The following PIK3CD variants were observed in gnomAD, a reference collection of about 807,000 sequenced individuals.
The protein encoded by PIK3CD is phosphatidylinositol 4,5-bisphosphate 3-kinase catalytic subunit delta isoform.
PIK3CD carries 20 observed loss-of-function variants against 122.9 expected under a neutral mutation model. The ratio of observed to expected loss-of-function variants is 0.16; its 90% CI spans 0.11 to 0.24. The LOEUF is 0.24. Among genes scored for constraint, PIK3CD ranks in the 10% least tolerant of loss-of-function variants. The pLI, the probability that PIK3CD is intolerant of heterozygous loss-of-function variation, is 1.00. For missense variants in PIK3CD, 787 were observed against 1,406.3 expected (o/e 0.56, Z 7.04); for synonymous variants, 596 against 593.4 (o/e 1.00, Z -0.06).
intron 1 of PIK3CD, chr1:9,654,392 G>A (rs1644777381): frequency 2.2e-6 from 3 of 1,367,706 alleles, no homozygotes; most frequent in Non-Finnish European, 2.9e-6. Flanking sequence ...CACACGGGGT[G>A]CCAGGGGCTG....
At chr1:9,697,272 A>G (rs1646456646) in intron 2 of PIK3CD, among the ~76,000 whole-genome samples, 1 of 152,170 alleles carries the variant, frequency 6.6e-6, no homozygotes, top group Non-Finnish European at 1.5e-5. Flanking sequence ...TTTTAAATAA[A>G]AAATGGAAAT....
chr1:9,704,545 C>T lies in PIK3CD; in HGVS notation c.-32-5879C>T, dbSNP rs1646758760. On this transcript the variant is annotated intron_variant, in intron 2 of 23. Coordinates refer to ENST00000377346, the MANE Select transcript of PIK3CD (RefSeq NM_005026.5). The surrounding 1 kb of genome is among the most constrained non-coding windows in gnomAD (Gnocchi z 5.0). ...GTTTTGTTTTTGAGACAGGGTCTCA[C>T]TCTATTGCCCAGGCTGGAGTGCAGT... Among the ~76,000 whole-genome samples, 1 of 152,196 alleles carries T rather than the reference C, an allele frequency of 6.6e-6. No homozygotes were observed. The highest frequency in any genetic ancestry group is 1.5e-5 in the Non-Finnish European group (1 of 68,038).
chr1:9,654,684 C>T, intron 1 of PIK3CD: 6 of 350,042 alleles, frequency 1.7e-5, no homozygotes, highest in South Asian at 1.1e-4. Flanking sequence ...AGTTCCCGCC[C>T]TCCCTGAGGC....
rs565996332 is a variant in PIK3CD at position 9,688,009 on chromosome 1, T to A, written c.-137-3458T>A. ...CGAGGGCGGAGGGAAGCGTCAGGCC[T>A]GGCTGCGCGCGCCCTGGCTAGGGAG... On this transcript the variant is annotated intron_variant, in intron 1 of 23. Transcript: ENST00000377346. 3.3e-5 allele frequency among the ~76,000 whole-genome samples: 5 copies of A among 152,322 alleles called. No homozygotes were observed. The East Asian group carries it at 9.7e-4, about 30-fold the overall frequency.
At chr1:9,655,787 T>C (rs1457203890) in intron 1 of PIK3CD, among the ~76,000 whole-genome samples, 3 of 139,366 alleles carry the variant, frequency 2.2e-5, no homozygotes, top group Non-Finnish European at 4.6e-5. Context: ...AACCTCTGCC[T>C]CCAGGTTCAA....
intron 1 of PIK3CD, among the ~76,000 whole-genome samples, chr1:9,665,759 T>A (rs1261195190): frequency 1.3e-5 from 2 of 152,140 alleles, no homozygotes; most frequent in African/African-American, 4.8e-5. Context: ...TTCATTCTTT[T>A]TTTTTGTCCC....
At chr1:9,667,822 G>A (rs929400571) in intron 1 of PIK3CD, among the ~76,000 whole-genome samples, 4 of 141,740 alleles carry the variant, frequency 2.8e-5, no homozygotes, top group Admixed American at 1.5e-4. Context: ...TTGCAGCCCC[G>A]ACCTCCTGGG....
chr1:9,635,830 T>C, the PIK3CD span, among the ~76,000 whole-genome samples: 57,495 of 152,116 alleles, frequency 0.38, 14,345 homozygotes, highest in East Asian at 0.77. Context: ...TTCTGATGGG[T>C]TCCCATCCCT....
At chr1:9,669,859 A>G (rs2100967994) in intron 1 of PIK3CD, among the ~76,000 whole-genome samples, 1 of 152,286 alleles carries the variant, frequency 6.6e-6, no homozygotes, top group East Asian at 1.9e-4. Context: ...CTCGTTACAC[A>G]TCCTTCTAAA....
the PIK3CD span, among the ~76,000 whole-genome samples, chr1:9,646,717 C>G: frequency 6.6e-6 from 1 of 152,262 alleles, no homozygotes; most frequent in South Asian, 2.1e-4. Flanking sequence ...CTTTGGGAGG[C>G]CGAGGCGGGC....
chr1:9,701,644 G>A (rs1467806918), intron 2 of PIK3CD, among the ~76,000 whole-genome samples: 2 of 148,908 alleles, frequency 1.3e-5, no homozygotes, highest in Non-Finnish European at 3.0e-5. Flanking sequence ...ACTCCAGCCT[G>A]GGCGACAGAG....
intron 13 of PIK3CD, 103 bp from the exon 14 acceptor site, chr1:9,721,024 C>A: frequency 7.0e-7 from 1 of 1,422,808 alleles, no homozygotes; most frequent in Non-Finnish European, 9.6e-7. Flanking sequence ...TTCACCCTGA[C>A]CCTGGCCACC....
Position 9,724,617 on chromosome 1 carries a change from G to A in PIK3CD, c.2865-187G>A, listed in dbSNP as rs544199202. ...CCTTTTGGGCAATGTGGGCAGGTTT[G>A]TGGGTCATGTAGCAGGAGGCTGGCT... On this transcript the variant is annotated intron_variant, in intron 22 of 23. Coordinates refer to ENST00000377346, the MANE Select transcript of PIK3CD (RefSeq NM_005026.5). This position sits in a 1 kb window ranked among gnomAD's most constrained non-coding sequence, Gnocchi z 7.3. Among the ~76,000 whole-genome samples, 32 of 152,370 alleles carry A rather than the reference G, an allele frequency of 2.1e-4. No homozygotes were observed. Among genetic ancestry groups the A allele is most frequent in the African/African-American group, 7.2e-4 (30 of 41,598 alleles).
At chr1:9,667,884 T>C (rs1407488459) in intron 1 of PIK3CD, among the ~76,000 whole-genome samples, 2 of 147,584 alleles carry the variant, frequency 1.4e-5, no homozygotes, top group Admixed American at 6.8e-5. Flanking sequence ...CTACAGGTGC[T>C]GCCACCATGC....
At chr1:9,716,705 G>A (rs551862809) in intron 6 of PIK3CD, 86 bp downstream of exon 6, 9 of 1,399,544 alleles carry the variant, frequency 6.4e-6, no homozygotes, top group Middle Eastern at 2.4e-4. Context: ...ACATTTGGGC[G>A]CACCTTGAGC....
intron 1 of PIK3CD, among the ~76,000 whole-genome samples, chr1:9,691,146 A>G (rs908338382): frequency 6.6e-6 from 1 of 152,216 alleles, no homozygotes; most frequent in Non-Finnish European, 1.5e-5. Context: ...GGCTCAGATC[A>G]ATTACTTTGC....
In PIK3CD at chr1:9,710,331, G is replaced by A; in HGVS notation, c.-32-93G>A. The A allele has an allele frequency of 9.6e-7, 1 of 1,037,040 alleles. No homozygotes were observed. Among genetic ancestry groups the A allele is most frequent in the Admixed American group, 1.7e-5 (1 of 58,922 alleles). The allele number at this position is 1,037,040 out of a possible 1,614,324, so 64.2% of individuals were successfully genotyped here. A position where few individuals can be genotyped will look rare whatever the true frequency, so the allele number is the denominator to read the frequency against. ...GGAACTCACTCCTGAGCTTCCTGCT[G>A]TCCAAGGACCCCACTGTTTTCCAGG... is the stretch of plus-strand genomic sequence containing the variant. On this transcript the variant is annotated intron_variant, in intron 2 of 23. Coordinates refer to ENST00000377346, the MANE Select transcript of PIK3CD (RefSeq NM_005026.5). This position sits in a 1 kb window ranked among gnomAD's most constrained non-coding sequence, Gnocchi z 4.7.
At chr1:9,673,630 T>C (rs1645408806) in intron 1 of PIK3CD, among the ~76,000 whole-genome samples, 1 of 152,108 alleles carries the variant, frequency 6.6e-6, no homozygotes, top group Non-Finnish European at 1.5e-5. Flanking sequence ...CTCGAACTCC[T>C]GGGCTCAAGC....
rs757216216 is a variant in PIK3CD, at chr1:9,722,016, C to A, written c.2097C>A (p.Val699=). ...LSKLKALNDF[V]KLSSQKTPKP... Reference sequence around the variant, plus strand: ...AACTGAAGGCCCTGAATGACTTCGTCAAGCTGAGCTCTCAGAAGACCCCCA... The same window carrying A: ...AACTGAAGGCCCTGAATGACTTCGTAAAGCTGAGCTCTCAGAAGACCCCCA... The change falls in exon 17 of 24, where the codon GTC becomes GTA. Residue 699 remains valine (V), a synonymous_variant. Transcript: ENST00000377346. This position sits in a 1 kb window ranked among gnomAD's most constrained non-coding sequence, Gnocchi z 7.6. 26 of 1,613,626 alleles carry A rather than the reference C, an allele frequency of 1.6e-5. No homozygotes were observed. The South Asian group carries it at 2.9e-4, about 18-fold the overall frequency.
Sources: allele counts gnomAD v4.1 joint callset (sites outside exome capture counted in the v4.1 genomes callset), GRCh38; gene constraint gnomAD v4.1.1; non-coding constraint Gnocchi (gnomAD v3.1); transcripts MANE v1.5; gene names NCBI Gene and HGNC (gene_info 2026-07-23, HGNC 2026-07-21).